Variants in ST8SIA2 observed in about 807,000 individuals in gnomAD.
The protein encoded by ST8SIA2 is ST8 alpha-N-acetyl-neuraminide alpha-2,8-sialyltransferase 2, also known as alpha-2,8-sialyltransferase 8B.
Under a neutral mutation model 37.6 loss-of-function variants are expected in ST8SIA2, and 22 were observed. The ratio of observed to expected loss-of-function variants is 0.58; its 90% CI spans 0.42 to 0.83. ST8SIA2 has a LOEUF of 0.83. Among genes scored for constraint, ST8SIA2 ranks in the 40% least tolerant of loss-of-function variants. The pLI is 0.00. For synonymous variants in ST8SIA2, 205 were observed against 201.2 expected (o/e 1.02, Z -0.16); for missense variants, 382 against 484.7 (o/e 0.79, Z 1.99).
At chr15:92,402,861 GA>G (rs2049481715) in intron 1 of ST8SIA2, among the ~76,000 whole-genome samples, 1 of 152,030 alleles carries the variant, frequency 6.6e-6, no homozygotes, top group Non-Finnish European at 1.5e-5. Flanking sequence ...GAGAGAGAGA[GA>G]GAGAGAGAGA....
At position 92,400,470 on chromosome 15, in the gene ST8SIA2, T is replaced by G. The variant is rs79615340; in HGVS notation, c.98+6308T>G. ...CAACAATTAAACACCCTCTGCTTGA[T>G]CTGGAAGCCCCCTGCTTTTCCTGTG... On this transcript the variant is annotated intron_variant, in intron 1 of 5. Transcript: ENST00000268164. 2.0e-5 allele frequency among the ~76,000 whole-genome samples: 3 copies of G among 152,334 alleles called. No homozygotes were observed. In the East Asian group the frequency reaches 5.8e-4, roughly 29 times the overall value.
At chr15:92,396,220 A>C (rs1439249468) in intron 1 of ST8SIA2, among the ~76,000 whole-genome samples, 3 of 152,126 alleles carry the variant, frequency 2.0e-5, no homozygotes, top group Non-Finnish European at 2.9e-5. Context: ...AGTCCTGACC[A>C]GGCCTAAGAC....
At chr15:92,446,367 A>G (rs1458234398) in intron 5 of ST8SIA2, among the ~76,000 whole-genome samples, 1 of 152,246 alleles carries the variant, frequency 6.6e-6, no homozygotes, top group Non-Finnish European at 1.5e-5. Context: ...CAGAAGCTGC[A>G]TCACATTTTT....
At position 92,401,872 on chromosome 15, in the gene ST8SIA2, A is replaced by G. The variant is rs113077184; in HGVS notation, c.98+7710A>G. Reference sequence around the variant, plus strand: ...GAACCCCTAGGTCAGTGGTTCCCAAATAGTGAGCCACAGAGGAGTGGTGAT... The same window carrying G: ...GAACCCCTAGGTCAGTGGTTCCCAAGTAGTGAGCCACAGAGGAGTGGTGAT... On this transcript the variant is annotated intron_variant, in intron 1 of 5. Coordinates refer to ENST00000268164, the MANE Select transcript of ST8SIA2 (RefSeq NM_006011.4). Among the ~76,000 whole-genome samples the G allele has an allele frequency of 4.6e-3, 693 of 151,978 alleles. 12 individuals carry two copies. Among genetic ancestry groups the G allele is most frequent in the African/African-American group, 0.016 (669 of 41,440 alleles).
intron 1 of ST8SIA2, among the ~76,000 whole-genome samples, chr15:92,394,700 C>A (rs1008461585): frequency 6.6e-6 from 1 of 152,152 alleles, no homozygotes; most frequent in Non-Finnish European, 1.5e-5. Context: ...CACAGACAGG[C>A]ACACGCGCCT....
rs527718623 is a variant in ST8SIA2, at chr15:92,444,919, G to A, written c.832G>A (p.Ala278Thr). The A allele has an allele frequency of 1.3e-5, 21 of 1,611,232 alleles. No individual in the cohort carries two copies. Among genetic ancestry groups the A allele is most frequent in the East Asian group, 8.9e-5 (4 of 44,876 alleles). The change falls in exon 5 of 6, where the codon GCC (alanine) becomes ACC (threonine). Residue 278 changes from alanine to threonine, a missense_variant. Ala to Thr is a moderately conservative substitution (Grantham distance 58). Transcript: ENST00000268164. The part of the protein sequence containing the change: ...TAYPSLRLLH[A>T]VRGYWLTNKV... ...ATACCCCTCGCTGCGCCTGCTGCAC[G>A]CCGTTCGCGGGTGAGCGGCCTCCCT...
rs2049780555 is a variant in ST8SIA2, at chr15:92,438,936, G to A, written c.548+326G>A. 2.6e-5 allele frequency among the ~76,000 whole-genome samples: 4 copies of A among 152,330 alleles called. No homozygotes were observed. In the South Asian group the frequency reaches 8.3e-4, roughly 32 times the overall value. ...AAAGATGGGCAGATGCTGGCCTGCA[G>A]CCTAAAGTTTGGTTGGAACACAGCC... is the stretch of plus-strand genomic sequence containing the variant. On this transcript the variant is annotated intron_variant, in intron 4 of 5. Coordinates refer to ENST00000268164, the MANE Select transcript of ST8SIA2 (RefSeq NM_006011.4).
At chr15:92,399,660 T>C (rs1456359562) in intron 1 of ST8SIA2, among the ~76,000 whole-genome samples, 1 of 152,194 alleles carries the variant, frequency 6.6e-6, no homozygotes, top group African/African-American at 2.4e-5. Context: ...AGTATAAGCA[T>C]GATTGGAAGA....
Position 92,427,750 on chromosome 15 carries a change from G to A in ST8SIA2, c.99-2299G>A, listed in dbSNP as rs527754567. ...TGTAATCCCAGCACTTTGGGAGGCC[G>A]AGGTGGGCAGATCACCTGAAGCCGA... On this transcript the variant is annotated intron_variant, in intron 1 of 5. Coordinates refer to ENST00000268164, the MANE Select transcript of ST8SIA2 (RefSeq NM_006011.4). Among the ~76,000 whole-genome samples, 5 of 152,262 alleles carry A rather than the reference G, an allele frequency of 3.3e-5. No individual in the cohort carries two copies. In the East Asian group the frequency reaches 5.8e-4, roughly 18 times the overall value.
intron 3 of ST8SIA2, among the ~76,000 whole-genome samples, chr15:92,436,620 G>C (rs1405312500): frequency 6.6e-6 from 1 of 152,026 alleles, no homozygotes; most frequent in Non-Finnish European, 1.5e-5. Flanking sequence ...AATGCTTTGG[G>C]GTAAGTAATT....
intron 1 of ST8SIA2, among the ~76,000 whole-genome samples, chr15:92,419,935 G>A (rs192351086): frequency 2.6e-5 from 4 of 152,126 alleles, no homozygotes; most frequent in Non-Finnish European, 5.9e-5. Context: ...GCGCGATCTC[G>A]GCTCACTGCA....
chr15:92,454,336 C>G (rs1038745114), intron 5 of ST8SIA2, among the ~76,000 whole-genome samples: 7 of 152,078 alleles, frequency 4.6e-5, no homozygotes, highest in African/African-American at 7.2e-5. Flanking sequence ...GCAAGGACAT[C>G]AGTCATATTG....
At chr15:92,454,197 G>A (rs539827730) in intron 5 of ST8SIA2, among the ~76,000 whole-genome samples, 3 of 152,230 alleles carry the variant, frequency 2.0e-5, no homozygotes, top group South Asian at 2.1e-4. Context: ...AGGGTTCAGC[G>A]TGGTTGGTCC....
At chr15:92,424,023 G>A (rs1394118946) in intron 1 of ST8SIA2, among the ~76,000 whole-genome samples, 1 of 152,090 alleles carries the variant, frequency 6.6e-6, no homozygotes, top group Non-Finnish European at 1.5e-5. Flanking sequence ...GCTGTCAACA[G>A]GCATAAACCT....
chr15:92,418,395 G>A lies in ST8SIA2; in HGVS notation c.99-11654G>A, dbSNP rs137875787. ...GAGAATCAGCTGAGCCCGGGAAGTC[G>A]AGGCTATGGTGAGCCATGATCACGC... On this transcript the variant is annotated intron_variant, in intron 1 of 5. Transcript: ENST00000268164. Among the ~76,000 whole-genome samples the A allele has an allele frequency of 6.2e-3, 934 of 149,500 alleles. 6 individuals are homozygous for A. The highest frequency in any genetic ancestry group is 0.016 in the South Asian group (74 of 4,698).
chr15:92,423,120 T>G (rs1190966993), intron 1 of ST8SIA2, among the ~76,000 whole-genome samples: 2 of 152,218 alleles, frequency 1.3e-5, no homozygotes, highest in East Asian at 1.9e-4. Context: ...AGGAAGTAGA[T>G]AGTAGTTATG....
chr15:92,454,105 C>T (rs1338195119), intron 5 of ST8SIA2, among the ~76,000 whole-genome samples: 4 of 152,084 alleles, frequency 2.6e-5, no homozygotes, highest in East Asian at 1.9e-4. Flanking sequence ...TCAGGGCTAC[C>T]GTAACAGCGT....
rs532326502 is a variant in ST8SIA2, at chr15:92,438,444, G to A, written c.382G>A (p.Asp128Asn). 5.2e-5 allele frequency: 84 copies of A among 1,614,164 alleles called. No homozygotes were observed. In the East Asian group the frequency reaches 8.7e-4, roughly 17 times the overall value. Reference protein sequence around the residue: ...KPGDIIHYIFDRDSTMNVSQN... With the variant: ...KPGDIIHYIFNRDSTMNVSQN... ...TGGAGATATTATTCATTACATCTTC[G>A]ATCGAGACAGCACCATGAATGTGTC... The change falls in exon 4 of 6, where the codon GAT (aspartate) becomes AAT (asparagine). Residue 128 changes from aspartate to asparagine, a missense_variant. Transcript: ENST00000268164.
At chr15:92,428,643 G>A (rs2049693764) in intron 1 of ST8SIA2, among the ~76,000 whole-genome samples, 1 of 152,164 alleles carries the variant, frequency 6.6e-6, no homozygotes, top group South Asian at 2.1e-4. Flanking sequence ...GGAAGTACAA[G>A]AACACTGTTA....
Sources: allele counts gnomAD v4.1 joint callset (sites outside exome capture counted in the v4.1 genomes callset), GRCh38; gene constraint gnomAD v4.1.1; transcripts MANE v1.5; gene names NCBI Gene and HGNC (gene_info 2026-07-23, HGNC 2026-07-21).